Variants in PDGFD observed in about 807,000 individuals in gnomAD.
The protein encoded by PDGFD is platelet derived growth factor D, also known as platelet-derived growth factor D.
In PDGFD, 30 loss-of-function variants were observed where a neutral mutation model predicts 44.7. The observed-to-expected ratio is 0.67, with a 90% CI of 0.50 to 0.91. The LOEUF is 0.91. Among genes scored for constraint, PDGFD ranks in the 40% least tolerant of loss-of-function variants. The pLI, the probability that PDGFD is intolerant of heterozygous loss-of-function variation, is 0.00. For missense variants in PDGFD, 445 were observed against 457.8 expected, an observed-to-expected ratio of 0.97 and a Z score of 0.25; for synonymous variants, 173 against 168.4, an observed-to-expected ratio of 1.03 and a Z score of -0.21.
chr11:104,131,026 T>G (rs754015338), intron 1 of PDGFD, among the ~76,000 whole-genome samples: 1 of 152,210 alleles, frequency 6.6e-6, no homozygotes, highest in Non-Finnish European at 1.5e-5. Context: ...ATGTAGACAA[T>G]GATTTTTATC....
chr11:104,019,689 G>T (rs2134381050), intron 1 of PDGFD, among the ~76,000 whole-genome samples: 1 of 152,256 alleles, frequency 6.6e-6, no homozygotes, highest in East Asian at 1.9e-4. Context: ...TGAGGCTGTA[G>T]ATATGATCTG....
At chr11:104,035,077 G>A (rs260798) in intron 1 of PDGFD, among the ~76,000 whole-genome samples, 4,672 of 152,196 alleles carry the variant, frequency 0.031, 256 homozygotes, top group African/African-American at 0.11. Flanking sequence ...GGGGAGAGTA[G>A]GGAGAAGGTG....
intron 1 of PDGFD, among the ~76,000 whole-genome samples, chr11:104,016,426 C>T (rs763462083): frequency 6.6e-6 from 1 of 152,230 alleles, no homozygotes; most frequent in African/African-American, 2.4e-5. Context: ...CCCAAGCAAG[C>T]TTTCCCTCTG....
At chr11:104,057,904 A>T (rs1860647515) in intron 1 of PDGFD, among the ~76,000 whole-genome samples, 1 of 152,230 alleles carries the variant, frequency 6.6e-6, no homozygotes, top group African/African-American at 2.4e-5. Flanking sequence ...AGATGTCAAA[A>T]TAATTTAATG....
intron 1 of PDGFD, among the ~76,000 whole-genome samples, chr11:104,010,592 T>A (rs1265621312): frequency 6.6e-6 from 1 of 152,090 alleles, no homozygotes; most frequent in Non-Finnish European, 1.5e-5. Flanking sequence ...AAAATGGAAA[T>A]AATTTAACTT....
At chr11:103,937,503 T>C (rs1238848060) in intron 5 of PDGFD, among the ~76,000 whole-genome samples, 5 of 152,176 alleles carry the variant, frequency 3.3e-5, no homozygotes, top group Admixed American at 2.0e-4. Flanking sequence ...TAAATATACA[T>C]TGTCCTTAAA....
chr11:104,082,483 T>C (rs1029274775), intron 1 of PDGFD, among the ~76,000 whole-genome samples: 2 of 152,092 alleles, frequency 1.3e-5, no homozygotes, highest in African/African-American at 4.8e-5. Context: ...TTTTTCTTTA[T>C]AGTTGGCAAA....
intron 1 of PDGFD, among the ~76,000 whole-genome samples, chr11:104,031,059 A>C (rs1860116440): frequency 6.6e-6 from 1 of 152,218 alleles, no homozygotes; most frequent in South Asian, 2.1e-4. Flanking sequence ...TCTAGGCAAT[A>C]CTATTTGGGA....
Position 104,163,849 on chromosome 11 carries a change from T to C in PDGFD, c.79A>G (p.Ser27Gly). 1 of 1,576,700 alleles carries C rather than the reference T, an allele frequency of 6.3e-7. No homozygotes were observed. Among genetic ancestry groups the C allele is most frequent in the Non-Finnish European group, 8.7e-7 (1 of 1,152,698 alleles). ...SCRDTSATPQ[S>G]ASIKALRNAN... ...TTGCGCAAAGCTTTGATGGATGCGC[T>C]CTGCGGGGTTGCAGAAGTGTCCCGA... The change falls in exon 1 of 7, where the codon AGC becomes GGC. Residue 27 changes from serine to glycine, a missense_variant. Physicochemically the swap from Ser to Gly is moderately conservative, Grantham distance 56. Coordinates refer to ENST00000393158, the MANE Select transcript of PDGFD (RefSeq NM_025208.5).
chr11:104,127,241 C>T (rs1206397130), intron 1 of PDGFD, among the ~76,000 whole-genome samples: 1 of 152,130 alleles, frequency 6.6e-6, no homozygotes, highest in African/African-American at 2.4e-5. Flanking sequence ...ATGATTCCCA[C>T]ATTTTGCTGC....
At chr11:104,116,456 C>T (rs1404590284) in intron 1 of PDGFD, among the ~76,000 whole-genome samples, 3 of 151,656 alleles carry the variant, frequency 2.0e-5, no homozygotes, top group Non-Finnish European at 4.4e-5. Flanking sequence ...TTTGAAATCA[C>T]GTAATGTGAT....
At chr11:103,912,758 A>C (rs1324350204) in intron 6 of PDGFD, among the ~76,000 whole-genome samples, 1 of 152,036 alleles carries the variant, frequency 6.6e-6, no homozygotes, top group Non-Finnish European at 1.5e-5. Flanking sequence ...AGACACACAT[A>C]GGCTCAAAAT....
chr11:103,970,748 G>A lies in PDGFD; in HGVS notation c.511-23024C>T, dbSNP rs1017449201. Among the ~76,000 whole-genome samples the A allele has an allele frequency of 3.3e-5, 5 of 152,190 alleles. No homozygotes were observed. The South Asian group carries it at 6.2e-4, about 19-fold the overall frequency. ...AATTTCCAAGAATTCAAAATGCATC[G>A]CCATGAAGGGAAAGAATTGTTTATG... On this transcript the variant is annotated intron_variant, in intron 3 of 6. Coordinates refer to ENST00000393158, the MANE Select transcript of PDGFD (RefSeq NM_025208.5).
chr11:104,034,982 G>A (rs115911113), intron 1 of PDGFD, among the ~76,000 whole-genome samples: 1,967 of 152,182 alleles, frequency 0.013, 37 homozygotes, highest in African/African-American at 0.045. Flanking sequence ...TAACTGGCAT[G>A]CAAGGATTTC....
At chr11:104,127,019 G>C (rs1184634757) in intron 1 of PDGFD, among the ~76,000 whole-genome samples, 1 of 152,056 alleles carries the variant, frequency 6.6e-6, no homozygotes. Flanking sequence ...AGGGATACAA[G>C]GCCCTCTAGC....
intron 3 of PDGFD, among the ~76,000 whole-genome samples, chr11:103,965,348 C>T (rs113074202): frequency 1.4e-3 from 219 of 152,186 alleles, no homozygotes; most frequent in African/African-American, 4.9e-3. Flanking sequence ...TGAGAGAAGA[C>T]GTTAGAGGTC....
At chr11:104,021,647 G>A (rs1168131690) in intron 1 of PDGFD, among the ~76,000 whole-genome samples, 2 of 152,170 alleles carry the variant, frequency 1.3e-5, no homozygotes, top group African/African-American at 4.8e-5. Flanking sequence ...GACTCTGGGA[G>A]CCAGCACCAT....
At chr11:104,088,958 G>C (rs1050790349) in intron 1 of PDGFD, among the ~76,000 whole-genome samples, 3 of 151,850 alleles carry the variant, frequency 2.0e-5, no homozygotes, top group Non-Finnish European at 4.4e-5. Context: ...AATCCATTGA[G>C]AAGGAAAACA....
In PDGFD at chr11:104,068,333, T is replaced by C. The variant is rs74790951; in HGVS notation, c.125-68078A>G. Among the ~76,000 whole-genome samples, 752 of 152,280 alleles carry C rather than the reference T, an allele frequency of 4.9e-3. 17 individuals carry two copies. Among genetic ancestry groups the C allele is most frequent in the East Asian group, 0.033 (170 of 5,174 alleles). On this transcript the variant is annotated intron_variant, in intron 1 of 6. Transcript: ENST00000393158. ...CTGCAGGAGGAAGCAGGCACATACA[T>C]GACCCCAAATGAGGGAATGTATTTC...
Sources: gnomAD v4.1 joint callset for allele counts (sites outside exome capture counted in the v4.1 genomes callset) on GRCh38, gnomAD v4.1.1 for gene constraint, MANE v1.5 for transcripts, NCBI Gene and HGNC (gene_info 2026-07-23, HGNC 2026-07-21) for gene names.